Variants in GID8 observed in about 807,000 individuals in gnomAD.
GID8 encodes the protein GID complex subunit 8 homolog, also known as glucose-induced degradation protein 8 homolog.
In GID8, 6 loss-of-function variants were observed where a neutral mutation model predicts 27.4. That is an observed-to-expected ratio of 0.22 (90% confidence interval 0.12 to 0.43). The LOEUF (loss-of-function observed/expected upper bound fraction) is 0.43. Among genes scored for constraint, GID8 ranks in the 20% least tolerant of loss-of-function variants. The pLI is 1.00. For missense variants in GID8, 173 were observed against 287.6 expected (o/e 0.60, Z 2.88); for synonymous variants, 112 against 109.0 (o/e 1.03, Z -0.17).
intron 2 of GID8, among the ~76,000 whole-genome samples, chr20:62,942,218 C>T (rs150602262): frequency 5.6e-4 from 85 of 152,204 alleles, no homozygotes; most frequent in African/African-American, 2.0e-3. Context: ...CTTTGAGAGA[C>T]AGAGGAAGAT....
chr20:62,946,030 C>T lies in GID8; in HGVS notation c.*1118C>T. The T allele has an allele frequency of 7.8e-7, 1 of 1,288,738 alleles. No homozygotes were observed. The highest frequency in any genetic ancestry group is 1.0e-6 in the Non-Finnish European group (1 of 988,278). 79.8% of individuals were successfully genotyped at this position (1,288,738 alleles called of 1,614,324 possible). ...TGCGTGCATTGCCTGCGAGTCGGGA[C>T]AGTTGATGGGCACATGGCCTTGTAG... On this transcript the variant is annotated 3_prime_UTR_variant, in exon 5 of 5. Coordinates refer to ENST00000266069, the MANE Select transcript of GID8 (RefSeq NM_017896.3).
rs1192115166 is a variant in GID8, at chr20:62,947,152, G to A, written c.*2240G>A. Reference sequence around the variant, plus strand: ...TGTCGGGGAGACTGGGAAGTCTCCAGCGTTACTGCTCTCCTTCCCTTCATG... The same window carrying A: ...TGTCGGGGAGACTGGGAAGTCTCCAACGTTACTGCTCTCCTTCCCTTCATG... On this transcript the variant is annotated 3_prime_UTR_variant, in exon 5 of 5. Transcript: ENST00000266069. 6.6e-6 allele frequency: 1 copy of A among 151,594 alleles called. No individual in the cohort carries two copies. Among genetic ancestry groups the A allele is most frequent in the African/African-American group, 2.4e-5 (1 of 41,176 alleles). The allele number at this position is 151,594 out of a possible 1,614,324, so 9.4% of individuals were successfully genotyped here. A position where few individuals can be genotyped will look rare whatever the true frequency, so the allele number is the denominator to read the frequency against.
At position 62,946,016 on chromosome 20, in the gene GID8, C is replaced by T. The variant is rs746280024; in HGVS notation, c.*1104C>T. The T allele has an allele frequency of 2.8e-5, 36 of 1,289,144 alleles. No individual in the cohort carries two copies. The highest frequency in any genetic ancestry group is 3.5e-5 in the Non-Finnish European group (35 of 988,728). The allele number at this position is 1,289,144 out of a possible 1,614,324, so 79.9% of individuals were successfully genotyped here. On this transcript the variant is annotated 3_prime_UTR_variant, in exon 5 of 5. Coordinates refer to ENST00000266069, the MANE Select transcript of GID8 (RefSeq NM_017896.3). ...AAGTGGTGCAGGGCTGCGTGCATTGCCTGCGAGTCGGGACAGTTGATGGGC... is the reference window on the plus strand; with the variant it reads ...AAGTGGTGCAGGGCTGCGTGCATTGTCTGCGAGTCGGGACAGTTGATGGGC...
In GID8 at chr20:62,947,188, G is replaced by A. The variant is rs1333733263; in HGVS notation, c.*2276G>A. On this transcript the variant is annotated 3_prime_UTR_variant, in exon 5 of 5. Transcript: ENST00000266069. ...CTCCTTCCCTTCATGATAAGCCAGTGCCAGCATCCAGCGTGAGCAGACGTC... is the reference window on the plus strand; with the variant it reads ...CTCCTTCCCTTCATGATAAGCCAGTACCAGCATCCAGCGTGAGCAGACGTC... The A allele has an allele frequency of 2.0e-5, 3 of 152,228 alleles. No homozygotes were observed. Among genetic ancestry groups the A allele is most frequent in the Non-Finnish European group, 4.4e-5 (3 of 68,044 alleles). 9.4% of individuals were successfully genotyped at this position (152,228 alleles called of 1,614,324 possible). A position where few individuals can be genotyped will look rare whatever the true frequency, so the allele number is the denominator to read the frequency against.
rs563706368 is a variant in GID8 at position 62,945,870 on chromosome 20, C to A, written c.*958C>A. 19 of 1,289,740 alleles carry A rather than the reference C, an allele frequency of 1.5e-5. No homozygotes were observed. In the African/African-American group the frequency reaches 2.9e-4, roughly 20 times the overall value. The allele number at this position is 1,289,740 out of a possible 1,614,324, so 79.9% of individuals were successfully genotyped here. Reference sequence around the variant, plus strand: ...TTGGCGGAAGGAACGCGTGTTCATCCTCAGTGATCTGCCCTCCAGCATCTC... The same window carrying A: ...TTGGCGGAAGGAACGCGTGTTCATCATCAGTGATCTGCCCTCCAGCATCTC... On this transcript the variant is annotated 3_prime_UTR_variant, in exon 5 of 5. Coordinates refer to ENST00000266069, the MANE Select transcript of GID8 (RefSeq NM_017896.3).
chr20:62,941,804 T>G (rs1000436885), intron 2 of GID8, among the ~76,000 whole-genome samples, 184 bp downstream of exon 2: 8 of 152,240 alleles, frequency 5.3e-5, no homozygotes, highest in Non-Finnish European at 1.0e-4. Context: ...GATGAGATTT[T>G]TCCAGGTCTC....
intron 1 of GID8, among the ~76,000 whole-genome samples, chr20:62,939,723 T>A (rs1051224781): frequency 6.6e-6 from 1 of 152,176 alleles, no homozygotes; most frequent in Non-Finnish European, 1.5e-5. Flanking sequence ...CTCCATCTCT[T>A]CTGCCGATGT....
Position 62,943,301 on chromosome 20 carries a change from G to A in GID8, c.315+118G>A. The A allele has an allele frequency of 1.0e-6, 1 of 977,678 alleles. No individual in the cohort carries two copies. 60.6% of individuals were successfully genotyped at this position (977,678 alleles called of 1,614,324 possible). A position where few individuals can be genotyped will look rare whatever the true frequency, so the allele number is the denominator to read the frequency against. On this transcript the variant is annotated intron_variant, in intron 3 of 4. Coordinates refer to ENST00000266069, the MANE Select transcript of GID8 (RefSeq NM_017896.3). This position sits in a 1 kb window ranked among gnomAD's most constrained non-coding sequence, Gnocchi z 4.7. ...AATAATGTTATTTCAATGCATGTGA[G>A]GGGGAGAGGTTTGAGTTTGCTCTTT...
chr20:62,939,895 AAG>A (rs2065432912), intron 1 of GID8, among the ~76,000 whole-genome samples: 1 of 152,184 alleles, frequency 6.6e-6, no homozygotes. Context: ...TCAGTGGCAA[AAG>A]AGAAAGACAG....
chr20:62,938,315 G>A (rs1348551714), intron 1 of GID8, 62 bp downstream of exon 1: 1 of 150,882 alleles, frequency 6.6e-6, no homozygotes, highest in African/African-American at 2.4e-5. Flanking sequence ...CGGGCCGGGC[G>A]GGCAGGCGGG....
At position 62,945,394 on chromosome 20, in the gene GID8, A is replaced by T; in HGVS notation, c.*482A>T. On this transcript the variant is annotated 3_prime_UTR_variant, in exon 5 of 5. Coordinates refer to ENST00000266069, the MANE Select transcript of GID8 (RefSeq NM_017896.3). ...TCTTTTTCCATAGGAAAGAATATAT[A>T]AATTTGTAAATCCTAATTCAAAGAT... 1.0e-6 allele frequency: 1 copy of T among 984,554 alleles called. No individual in the cohort carries two copies. Among genetic ancestry groups the T allele is most frequent in the Non-Finnish European group, 1.2e-6 (1 of 828,252 alleles). The allele number at this position is 984,554 out of a possible 1,614,324, so 61.0% of individuals were successfully genotyped here.
chr20:62,941,730 C>T (rs534539680), intron 2 of GID8, 110 bp downstream of exon 2: 12 of 728,380 alleles, frequency 1.6e-5, no homozygotes, highest in Non-Finnish European at 2.8e-5. Context: ...TGTGTTCAGA[C>T]ATTATGAAAA....
Position 62,948,391 on chromosome 20 carries a change from C to G in GID8, c.*3479C>G, listed in dbSNP as rs2065475295. 6.6e-6 allele frequency: 1 copy of G among 152,184 alleles called. No homozygotes were observed. Among genetic ancestry groups the G allele is most frequent in the African/African-American group, 2.4e-5 (1 of 41,436 alleles). 9.4% of individuals were successfully genotyped at this position (152,184 alleles called of 1,614,324 possible). ...ATTCCAGTGTGGCATATGTGCCCCTCTGTATCTTTTGAGAAGTGCGGAATA... is the reference window on the plus strand; with the variant it reads ...ATTCCAGTGTGGCATATGTGCCCCTGTGTATCTTTTGAGAAGTGCGGAATA... On this transcript the variant is annotated 3_prime_UTR_variant, in exon 5 of 5. Transcript: ENST00000266069.
In GID8 at chr20:62,943,408, T is replaced by C; in HGVS notation, c.316-87T>C. On this transcript the variant is annotated intron_variant, in intron 3 of 4. Coordinates refer to ENST00000266069, the MANE Select transcript of GID8 (RefSeq NM_017896.3). This position sits in a 1 kb window ranked among gnomAD's most constrained non-coding sequence, Gnocchi z 4.7. ...TGCAAGAAAAGTCTTCCCTCTGTGATGTACTTTTGATTGGGACCTGGTACC... is the reference window on the plus strand; with the variant it reads ...TGCAAGAAAAGTCTTCCCTCTGTGACGTACTTTTGATTGGGACCTGGTACC... 1.6e-6 allele frequency: 2 copies of C among 1,256,620 alleles called. No individual in the cohort carries two copies. The highest frequency in any genetic ancestry group is 2.3e-6 in the Non-Finnish European group (2 of 868,836). The allele number at this position is 1,256,620 out of a possible 1,614,324, so 77.8% of individuals were successfully genotyped here.
chr20:62,939,257 T>G (rs2065426079), intron 1 of GID8, among the ~76,000 whole-genome samples: 1 of 152,188 alleles, frequency 6.6e-6, no homozygotes, highest in African/African-American at 2.4e-5. Context: ...CTCCTCCACT[T>G]TACCTGCCGC....
In GID8 at chr20:62,947,569, G is replaced by T. The variant is rs1483717005; in HGVS notation, c.*2657G>T. ...TCTGTGTTCCAGATGCATGAAATTG[G>T]GTGAGGAATAACCCCTAGTCTGGAA... On this transcript the variant is annotated 3_prime_UTR_variant, in exon 5 of 5. Transcript: ENST00000266069. The T allele has an allele frequency of 6.6e-6, 1 of 152,616 alleles. No homozygotes were observed. The highest frequency in any genetic ancestry group is 1.5e-5 in the Non-Finnish European group (1 of 68,036). 9.5% of individuals were successfully genotyped at this position (152,616 alleles called of 1,614,324 possible). A position where few individuals can be genotyped will look rare whatever the true frequency, so the allele number is the denominator to read the frequency against.
rs1346558420 is a variant in GID8, at chr20:62,948,359, A to G, written c.*3447A>G. On this transcript the variant is annotated 3_prime_UTR_variant, in exon 5 of 5. Transcript: ENST00000266069. Reference sequence around the variant, plus strand: ...TACCTTTGTACATGTTTGATTCTGTATTCTTTATTCCAGTGTGGCATATGT... The same window carrying G: ...TACCTTTGTACATGTTTGATTCTGTGTTCTTTATTCCAGTGTGGCATATGT... 6.6e-6 allele frequency: 1 copy of G among 152,134 alleles called. No individual in the cohort carries two copies. Among genetic ancestry groups the G allele is most frequent in the African/African-American group, 2.4e-5 (1 of 41,440 alleles). The allele number at this position is 152,134 out of a possible 1,614,324, so 9.4% of individuals were successfully genotyped here. A position where few individuals can be genotyped will look rare whatever the true frequency, so the allele number is the denominator to read the frequency against.
Position 62,941,514 on chromosome 20 carries a change from A to C in GID8, c.12A>C (p.Ala4=), listed in dbSNP as rs369931911. 6.2e-7 allele frequency: 1 copy of C among 1,605,998 alleles called. No homozygotes were observed. The highest frequency in any genetic ancestry group is 1.3e-5 in the African/African-American group (1 of 74,884). MSY[A]EKPDEITKDE... ...AGAAATAAATCAGAATGAGTTATGC[A>C]GAAAAACCCGATGAAATCACGAAAG... Residue 4 remains alanine, a synonymous_variant, in exon 2 of 5, where the codon GCA becomes GCC. Transcript: ENST00000266069.
chr20:62,941,403 T>G (rs577952046), intron 1 of GID8, 88 bp from the exon 2 acceptor site: 2 of 740,036 alleles, frequency 2.7e-6, no homozygotes, highest in Admixed American at 3.9e-5. Flanking sequence ...CAGTGTGGGA[T>G]TCTCCGGCTC....
Sources: gnomAD v4.1 joint callset for allele counts (sites outside exome capture counted in the v4.1 genomes callset) on GRCh38, gnomAD v4.1.1 for gene constraint, Gnocchi (gnomAD v3.1) non-coding constraint, MANE v1.5 for transcripts, NCBI Gene and HGNC (gene_info 2026-07-23, HGNC 2026-07-21) for gene names.